Variants in SLIT1 observed in about 807,000 individuals in gnomAD.
The protein encoded by SLIT1 is slit homolog 1 protein.
A neutral mutation model predicts 186.1 loss-of-function variants in SLIT1; 66 were observed. That is an observed-to-expected ratio of 0.35 (90% confidence interval 0.29 to 0.44). SLIT1 has a LOEUF of 0.44. SLIT1 is among the 20% of genes least tolerant of loss of function. SLIT1 has a pLI of 1.00. For missense variants in SLIT1, 1,638 were observed against 2,037.4 expected (o/e 0.80, Z 3.77); for synonymous variants, 761 against 833.8 (o/e 0.91, Z 1.50).
intron 4 of SLIT1, among the ~76,000 whole-genome samples, chr10:97,116,501 C>T (rs1041893303): frequency 2.6e-5 from 4 of 152,198 alleles, no homozygotes; most frequent in Admixed American, 2.0e-4. Flanking sequence ...GCATCCTGGG[C>T]CTCCTCCCTG....
chr10:97,150,849 C>G (rs888346374), intron 4 of SLIT1, among the ~76,000 whole-genome samples: 5 of 152,052 alleles, frequency 3.3e-5, no homozygotes, highest in Admixed American at 1.3e-4. Flanking sequence ...CTGTAAGAAG[C>G]AATCAGGTTT....
rs74152134 is a variant in SLIT1, at chr10:97,074,198, T to C, written c.414-8112A>G. On this transcript the variant is annotated intron_variant, in intron 4 of 36. Coordinates refer to ENST00000266058, the MANE Select transcript of SLIT1 (RefSeq NM_003061.3). ...GACCATAACCTCCCAGCAGACACTC[T>C]CCTTCACTTTCCCTTATATCCTGGC... is the stretch of plus-strand genomic sequence containing the variant. 2.9e-3 allele frequency among the ~76,000 whole-genome samples: 436 copies of C among 152,338 alleles called. 5 individuals are homozygous for C. The highest frequency in any genetic ancestry group is 9.7e-3 in the African/African-American group (403 of 41,572).
chr10:97,018,546 A>G (rs1252592274), intron 28 of SLIT1, 40 bp downstream of exon 28: 1 of 1,305,842 alleles, frequency 7.7e-7, no homozygotes, highest in East Asian at 2.5e-5. Context: ...TGCTGGGCCC[A>G]TCAGCACTCA....
chr10:97,025,012 G>A (rs1202643170), intron 25 of SLIT1, among the ~76,000 whole-genome samples: 1 of 152,258 alleles, frequency 6.6e-6, no homozygotes, highest in Non-Finnish European at 1.5e-5. Flanking sequence ...GCTCACGCCT[G>A]TAGTCCCAGC....
intron 4 of SLIT1, chr10:97,103,435 C>G (rs1849380859): frequency 6.6e-6 from 1 of 152,202 alleles, no homozygotes; most frequent in Non-Finnish European, 1.5e-5. Context: ...CTCCCACCGG[C>G]TAACCAGAAA....
At chr10:97,036,524 G>A (rs369998826) in intron 22 of SLIT1, among the ~76,000 whole-genome samples, 2 of 152,188 alleles carry the variant, frequency 1.3e-5, no homozygotes, top group African/African-American at 2.4e-5. Context: ...GCCAAGATCC[G>A]GTCACCACAC....
chr10:97,072,193 C>T (rs959239183), intron 4 of SLIT1, among the ~76,000 whole-genome samples: 1 of 152,234 alleles, frequency 6.6e-6, no homozygotes, highest in South Asian at 2.1e-4. Flanking sequence ...GCATCTCACT[C>T]TGTCACTCAG....
rs757583296 is a variant in SLIT1, at chr10:97,021,046, G to A, written c.2746+204C>T. On this transcript the variant is annotated intron_variant, in intron 26 of 36. Transcript: ENST00000266058. The surrounding 1 kb of genome is among the most constrained non-coding windows in gnomAD (Gnocchi z 4.5). ...CACAGGGAGGGATTACGGCCCTGACGGCCTGGGATTTTTCTGCCTGGCTCT... is the reference window on the plus strand; with the variant it reads ...CACAGGGAGGGATTACGGCCCTGACAGCCTGGGATTTTTCTGCCTGGCTCT... 4.6e-5 allele frequency among the ~76,000 whole-genome samples: 7 copies of A among 152,210 alleles called. No individual in the cohort carries two copies. Among genetic ancestry groups the A allele is most frequent in the Non-Finnish European group, 8.8e-5 (6 of 68,050 alleles).
intron 4 of SLIT1, among the ~76,000 whole-genome samples, chr10:97,126,928 A>T (rs1849608036): frequency 6.6e-6 from 1 of 152,168 alleles, no homozygotes; most frequent in Non-Finnish European, 1.5e-5. Flanking sequence ...GAGCATGCAC[A>T]GAATTCACCT....
chr10:97,140,987 C>T (rs564922493), intron 4 of SLIT1, among the ~76,000 whole-genome samples: 18 of 152,134 alleles, frequency 1.2e-4, no homozygotes, highest in Admixed American at 3.3e-4. Context: ...CTGCCAGTTG[C>T]GTGTGTCTGT....
At chr10:97,058,233 G>A in intron 11 of SLIT1, 1 of 620,522 alleles carries the variant, frequency 1.6e-6, no homozygotes, top group Non-Finnish European at 2.9e-6. Context: ...AAATGGAGCA[G>A]AGGGGGCAGG....
chr10:97,044,304 G>A (rs984333852), intron 18 of SLIT1, among the ~76,000 whole-genome samples: 4 of 152,170 alleles, frequency 2.6e-5, no homozygotes, highest in African/African-American at 7.2e-5. Context: ...GCTGAGGTGG[G>A]AGGATCTCTT....
At chr10:97,160,425 C>A (rs1196000855) in intron 3 of SLIT1, among the ~76,000 whole-genome samples, 1 of 152,164 alleles carries the variant, frequency 6.6e-6, no homozygotes, top group Non-Finnish European at 1.5e-5. Flanking sequence ...AAGTAAAAGA[C>A]GGTGGCAGAC....
At chr10:97,132,345 A>T (rs1849662197) in intron 4 of SLIT1, among the ~76,000 whole-genome samples, 2 of 152,142 alleles carry the variant, frequency 1.3e-5, no homozygotes, top group South Asian at 4.1e-4. Flanking sequence ...CCACCAGGTG[A>T]CAGATTTTAG....
At chr10:97,029,364 A>G (rs1173411189) in intron 25 of SLIT1, among the ~76,000 whole-genome samples, 1 of 152,206 alleles carries the variant, frequency 6.6e-6, no homozygotes, top group Non-Finnish European at 1.5e-5. Flanking sequence ...TTGGGGCCCC[A>G]AAAGGCTCTC....
intron 25 of SLIT1, among the ~76,000 whole-genome samples, chr10:97,024,885 G>A (rs1027683992): frequency 7.2e-5 from 11 of 152,150 alleles, no homozygotes; most frequent in African/African-American, 2.7e-4. Flanking sequence ...GAAAGAGAGG[G>A]CCCACGGCGT....
intron 4 of SLIT1, chr10:97,154,632 G>A (rs971882252): frequency 7.9e-5 from 12 of 152,256 alleles, no homozygotes; most frequent in African/African-American, 2.9e-4. Flanking sequence ...CCTCCTGGAA[G>A]TCCCTCTGTT....
rs1564661930 is a variant in SLIT1 at position 97,048,939 on chromosome 10, G to T, written c.1465+16C>A. On this transcript the variant is annotated intron_variant, in intron 14 of 36. Coordinates refer to ENST00000266058, the MANE Select transcript of SLIT1 (RefSeq NM_003061.3). ...GGTAGGTGGACAGGTGGGCAGGTGG[G>T]CAGGCGGGCAGGTACCTGAGCACCG... 6.2e-7 allele frequency: 1 copy of T among 1,602,424 alleles called. No homozygotes were observed. Among genetic ancestry groups the T allele is most frequent in the Non-Finnish European group, 8.5e-7 (1 of 1,179,398 alleles).
At chr10:97,063,420 G>T (rs201985741) in intron 8 of SLIT1, 35 bp downstream of exon 8, 2 of 1,609,936 alleles carry the variant, frequency 1.2e-6, no homozygotes, top group South Asian at 2.2e-5. Flanking sequence ...AGGAGGCGCC[G>T]GACAGTTGAG....
Sources: allele counts gnomAD v4.1 joint callset (sites outside exome capture counted in the v4.1 genomes callset), GRCh38; gene constraint gnomAD v4.1.1; non-coding constraint Gnocchi (gnomAD v3.1); transcripts MANE v1.5; gene names NCBI Gene and HGNC (gene_info 2026-07-23, HGNC 2026-07-21).